ATE1: variants seen among roughly 807,000 people sequenced by gnomAD.
The protein encoded by ATE1 is arginyltransferase 1.
A neutral mutation model predicts 70.5 loss-of-function variants in ATE1; 36 were observed. The observed-to-expected ratio is 0.51, with a 90% CI of 0.39 to 0.67. The LOEUF is 0.67. ATE1 is among the 30% of genes least tolerant of loss of function. The probability of loss-of-function intolerance (pLI) is 0.00; values close to 1 mark genes in which losing one functional copy is unlikely to be tolerated. For missense variants in ATE1, 593 were observed against 629.5 expected, an observed-to-expected ratio of 0.94 and a Z score of 0.62; for synonymous variants, 232 against 219.3, an observed-to-expected ratio of 1.06 and a Z score of -0.51.
chr10:121,815,740 A>G (rs756230199), intron 10 of ATE1, among the ~76,000 whole-genome samples: 1 of 152,184 alleles, frequency 6.6e-6, no homozygotes, highest in Non-Finnish European at 1.5e-5. Flanking sequence ...GAGTCAGACT[A>G]CCCACAGAAG....
At chr10:121,927,466 G>A in intron 1 of ATE1, 1 of 984,962 alleles carries the variant, frequency 1.0e-6, no homozygotes, top group Non-Finnish European at 1.2e-6. Flanking sequence ...ACCGCGTTTC[G>A]CCCTCGCTCC....
intron 10 of ATE1, among the ~76,000 whole-genome samples, chr10:121,793,292 A>G (rs972239613): frequency 7.9e-5 from 12 of 152,232 alleles, no homozygotes; most frequent in Non-Finnish European, 1.8e-4. Flanking sequence ...GATTTGGACT[A>G]ATTAGAACTT....
chr10:121,777,574 A>G (rs946382491), intron 11 of ATE1, among the ~76,000 whole-genome samples: 7 of 152,212 alleles, frequency 4.6e-5, no homozygotes, highest in African/African-American at 1.7e-4. Context: ...ATAGTGATGC[A>G]GGGGGACACC....
chr10:121,813,994 T>C (rs1489925788), intron 10 of ATE1, among the ~76,000 whole-genome samples: 1 of 152,198 alleles, frequency 6.6e-6, no homozygotes, highest in Non-Finnish European at 1.5e-5. Context: ...TCTATGGGAA[T>C]AGCAGTGTCC....
At chr10:121,868,876 ACAC>A (rs1290855013) in intron 8 of ATE1, among the ~76,000 whole-genome samples, 1 of 152,236 alleles carries the variant, frequency 6.6e-6, no homozygotes, top group Admixed American at 6.5e-5. Flanking sequence ...AGTGTAGGCC[ACAC>A]CACATTATCA....
chr10:121,863,354 A>G (rs1433812301), intron 8 of ATE1, among the ~76,000 whole-genome samples: 1 of 151,114 alleles, frequency 6.6e-6, no homozygotes, highest in Non-Finnish European at 1.5e-5. Flanking sequence ...CCCGGGTTCA[A>G]GCGATTCTCC....
chr10:121,772,063 T>C (rs1000870977), intron 11 of ATE1, among the ~76,000 whole-genome samples: 1 of 152,210 alleles, frequency 6.6e-6, no homozygotes, highest in African/African-American at 2.4e-5. Context: ...AGTAAACTCC[T>C]TGAGGGCTGG....
At chr10:121,926,555 T>C (rs1349312210) in intron 1 of ATE1, among the ~76,000 whole-genome samples, 2 of 152,182 alleles carry the variant, frequency 1.3e-5, no homozygotes, top group East Asian at 3.8e-4. Flanking sequence ...ATACAAGACA[T>C]TTATGTTAGC....
At chr10:121,862,532 ATTTTTT>A (rs35130703) in intron 8 of ATE1, among the ~76,000 whole-genome samples, 27 of 105,402 alleles carry the variant, frequency 2.6e-4, no homozygotes, top group East Asian at 1.6e-3. Flanking sequence ...AATTTTTTTA[ATTTTTT>A]TTTTTTTTTT....
At chr10:121,897,098 C>G (rs1198608463) in intron 7 of ATE1, among the ~76,000 whole-genome samples, 1 of 152,090 alleles carries the variant, frequency 6.6e-6, no homozygotes, top group African/African-American at 2.4e-5. Context: ...ACTAAGCTGG[C>G]TGTCCCTACT....
intron 10 of ATE1, among the ~76,000 whole-genome samples, chr10:121,813,151 G>A (rs1947392683): frequency 6.6e-6 from 1 of 152,148 alleles, no homozygotes. Flanking sequence ...CACTAAATAT[G>A]AAATCAAGCC....
chr10:121,839,870 T>C (rs185345297), intron 9 of ATE1, among the ~76,000 whole-genome samples: 3 of 152,316 alleles, frequency 2.0e-5, no homozygotes, highest in Non-Finnish European at 4.4e-5. Context: ...ATTTCAACTC[T>C]TTTATAATTC....
Position 121,899,967 on chromosome 10 carries a change from TTGG to T in ATE1, c.838_840del (p.Pro280del), listed in dbSNP as rs1950917664. ...AGAAGTGTGGCTTTGAACTGCGAAC[TTGG>T]TGGAGATGATCTCACCACCCTCACC... On this transcript the variant is annotated inframe_deletion, in exon 7 of 12. Coordinates refer to ENST00000224652, the MANE Select transcript of ATE1 (RefSeq NM_001001976.3). 6.2e-7 allele frequency: 1 copy of T among 1,613,828 alleles called. No individual in the cohort carries two copies. Among genetic ancestry groups the T allele is most frequent in the Admixed American group, 1.7e-5 (1 of 59,990 alleles).
At chr10:121,881,276 G>A (rs1045713470) in intron 7 of ATE1, among the ~76,000 whole-genome samples, 2 of 151,922 alleles carry the variant, frequency 1.3e-5, no homozygotes, top group Non-Finnish European at 2.9e-5. Flanking sequence ...CACTCTGCTG[G>A]GCATTGTGTA....
chr10:121,865,958 G>A (rs556522345), intron 8 of ATE1, among the ~76,000 whole-genome samples: 3 of 152,292 alleles, frequency 2.0e-5, no homozygotes, highest in African/African-American at 7.2e-5. Flanking sequence ...GTTTAAAGTC[G>A]GCTTTGTTTT....
At chr10:121,840,463 T>A (rs1948587868) in intron 9 of ATE1, among the ~76,000 whole-genome samples, 1 of 152,024 alleles carries the variant, frequency 6.6e-6, no homozygotes, top group Non-Finnish European at 1.5e-5. Context: ...CAAGACCCCA[T>A]CTCATTTGAA....
chr10:121,776,653 G>C lies in ATE1; in HGVS notation c.1378+13516C>G, dbSNP rs190529113. ...CTTTAAAAAATTAAAAACCAGAACAGATTCAAAACTACCAGAGTGTACCAC... is the reference window on the plus strand; with the variant it reads ...CTTTAAAAAATTAAAAACCAGAACACATTCAAAACTACCAGAGTGTACCAC... On this transcript the variant is annotated intron_variant, in intron 11 of 11. Coordinates refer to ENST00000224652, the MANE Select transcript of ATE1 (RefSeq NM_001001976.3). Among the ~76,000 whole-genome samples the C allele has an allele frequency of 4.9e-3, 739 of 152,344 alleles. 3 individuals are homozygous for C. The highest frequency in any genetic ancestry group is 0.016 in the South Asian group (79 of 4,830).
At chr10:121,882,828 T>A (rs1286930818) in intron 7 of ATE1, among the ~76,000 whole-genome samples, 1 of 152,170 alleles carries the variant, frequency 6.6e-6, no homozygotes, top group Non-Finnish European at 1.5e-5. Flanking sequence ...ACAGCTAACA[T>A]CCCATTTCAT....
chr10:121,851,498 CT>C (rs1260608724), intron 8 of ATE1, among the ~76,000 whole-genome samples: 2 of 152,256 alleles, frequency 1.3e-5, no homozygotes, highest in Non-Finnish European at 2.9e-5. Context: ...TCAGTCTCAA[CT>C]GTCATTAGTT....
Sources: gnomAD v4.1 joint callset for allele counts (sites outside exome capture counted in the v4.1 genomes callset) on GRCh38, gnomAD v4.1.1 for gene constraint, MANE v1.5 for transcripts, NCBI Gene and HGNC (gene_info 2026-07-23, HGNC 2026-07-21) for gene names.